ITGA1: variants seen among roughly 807,000 people sequenced by gnomAD.
ITGA1 encodes integrin subunit alpha 1.
Under a neutral mutation model 145.9 loss-of-function variants are expected in ITGA1, and 85 were observed. That is an observed-to-expected ratio of 0.58 (90% CI 0.49 to 0.70). The LOEUF (loss-of-function observed/expected upper bound fraction) is 0.70, where lower values mean the gene tolerates loss of function less well. ITGA1 is among the 30% of genes least tolerant of loss of function. The pLI is 0.00. For synonymous variants in ITGA1, 520 were observed against 495.3 expected, an observed-to-expected ratio of 1.05 and a Z score of -0.66; for missense variants, 1,351 against 1,418.7, an observed-to-expected ratio of 0.95 and a Z score of 0.77.
chr5:52,894,021 A>G (rs976520856), intron 9 of ITGA1, among the ~76,000 whole-genome samples, 181 bp downstream of exon 9: 1 of 151,868 alleles, frequency 6.6e-6, no homozygotes, highest in Non-Finnish European at 1.5e-5. Context: ...TGTTTCTCAC[A>G]ACACTGTGTC....
intron 1 of ITGA1, among the ~76,000 whole-genome samples, chr5:52,834,091 G>T (rs147991758): frequency 7.9e-5 from 12 of 152,250 alleles, no homozygotes; most frequent in Non-Finnish European, 1.5e-4. Flanking sequence ...CCATGTGAAG[G>T]CAGTTCATTC....
intron 6 of ITGA1, among the ~76,000 whole-genome samples, chr5:52,866,382 T>C (rs1425370884): frequency 2.0e-5 from 3 of 152,196 alleles, no homozygotes; most frequent in African/African-American, 7.2e-5. Flanking sequence ...ACTTGAAAAA[T>C]AACTCCTATA....
chr5:52,899,057 A>C (rs546054727), intron 11 of ITGA1, among the ~76,000 whole-genome samples: 4 of 152,302 alleles, frequency 2.6e-5, no homozygotes, highest in Non-Finnish European at 4.4e-5. Flanking sequence ...AACAGTTGGG[A>C]GGACCTAAAA....
At chr5:52,899,323 G>A (rs970038869) in intron 11 of ITGA1, among the ~76,000 whole-genome samples, 3 of 152,062 alleles carry the variant, frequency 2.0e-5, no homozygotes, top group Admixed American at 1.3e-4. Flanking sequence ...TCTTTACTGC[G>A]GTGTTTATAC....
chr5:52,905,600 AG>A (rs1750390198), intron 11 of ITGA1, 162 bp from the exon 12 acceptor site: 1 of 504,300 alleles, frequency 2.0e-6, no homozygotes, highest in East Asian at 3.1e-5. Flanking sequence ...GCATATTAAA[AG>A]CTTCCACCAA....
chr5:52,949,284 G>T (rs780742957), intron 28 of ITGA1, among the ~76,000 whole-genome samples: 1 of 152,104 alleles, frequency 6.6e-6, no homozygotes, highest in Non-Finnish European at 1.5e-5. Flanking sequence ...TTATGAGGTC[G>T]TATGAACCTC....
intron 1 of ITGA1, among the ~76,000 whole-genome samples, chr5:52,828,243 A>G (rs1395646002): frequency 6.6e-6 from 1 of 152,180 alleles, no homozygotes; most frequent in East Asian, 1.9e-4. Flanking sequence ...TTTCCATAGC[A>G]ACATTACCAC....
intron 22 of ITGA1, chr5:52,932,546 CAA>C (rs1327893822): frequency 6.4e-6 from 1 of 155,674 alleles, no homozygotes; most frequent in Non-Finnish European, 1.4e-5. Context: ...TCTGGACACA[CAA>C]GATTAAAGCA....
intron 8 of ITGA1, among the ~76,000 whole-genome samples, chr5:52,891,555 T>TAAAAAAAAAAAAAAAAAA (rs56185635): frequency 2.5e-5 from 3 of 118,882 alleles, no homozygotes; most frequent in Non-Finnish European, 3.5e-5. Context: ...TCATGAACAC[T>TAAAAAAAAAAAAAAAAAA]AAAAAAAAAA....
intron 24 of ITGA1, among the ~76,000 whole-genome samples, chr5:52,938,581 G>GA (rs941374122): frequency 6.6e-5 from 10 of 151,562 alleles, no homozygotes; most frequent in African/African-American, 1.5e-4. Flanking sequence ...ATCCAGAAGA[G>GA]AAAAAAAAAT....
chr5:52,939,203 G>A lies in ITGA1; in HGVS notation c.3079-387G>A, dbSNP rs111463022. On this transcript the variant is annotated intron_variant, in intron 24 of 28. Transcript: ENST00000282588. ...CAGGTGTGAGCCACTGTGGCTGGCC[G>A]TTGTTTTTGTTTTTATCAGTAGAAT... is the stretch of plus-strand genomic sequence containing the variant. Among the ~76,000 whole-genome samples, 864 of 152,070 alleles carry A rather than the reference G, an allele frequency of 5.7e-3. 7 individuals are homozygous for A. Among genetic ancestry groups the A allele is most frequent in the African/African-American group, 0.02 (814 of 41,490 alleles).
chr5:52,799,626 G>A (rs1257201122), intron 1 of ITGA1, among the ~76,000 whole-genome samples: 1 of 152,234 alleles, frequency 6.6e-6, no homozygotes, highest in Non-Finnish European at 1.5e-5. Context: ...GTTGCTGGGA[G>A]CCCAGACAGA....
rs200462600 is a variant in ITGA1 at position 52,955,347 on chromosome 5, A to AGAT, written c.*2897_*2899dup. ...CACTGAGACAGATTACACGATAGAC[A>AGAT]GATAGATAGATAGATAGATAGATAG... On this transcript the variant is annotated 3_prime_UTR_variant, in exon 29 of 29. Coordinates refer to ENST00000282588, the MANE Select transcript of ITGA1 (RefSeq NM_181501.2). 0.05 allele frequency: 203 copies of AGAT among 4,078 alleles called. No homozygotes were observed. The highest frequency in any genetic ancestry group is 0.11 in the Admixed American group (30 of 276). The allele number at this position is 4,078 out of a possible 1,614,324, so 0.3% of individuals were successfully genotyped here.
chr5:52,947,838 C>G (rs1751159100), intron 28 of ITGA1, among the ~76,000 whole-genome samples: 1 of 151,862 alleles, frequency 6.6e-6, no homozygotes, highest in Admixed American at 6.6e-5. Context: ...AAAATGAATT[C>G]CTATGTCAAT....
chr5:52,925,646 A>T (rs1372465888), intron 19 of ITGA1, among the ~76,000 whole-genome samples, 159 bp downstream of exon 19: 2 of 152,234 alleles, frequency 1.3e-5, no homozygotes, highest in African/African-American at 4.8e-5. Context: ...TAAGCTTTTT[A>T]AAAAAGTTTT....
At position 52,788,489 on chromosome 5, in the gene ITGA1, A is replaced by G. The variant is rs529484465; in HGVS notation, c.61+75A>G. 2.0e-5 allele frequency: 25 copies of G among 1,237,664 alleles called. No homozygotes were observed. In the African/African-American group the frequency reaches 3.3e-4, roughly 16 times the overall value. 76.7% of individuals were successfully genotyped at this position (1,237,664 alleles called of 1,614,324 possible). A position where few individuals can be genotyped will look rare whatever the true frequency, so the allele number is the denominator to read the frequency against. Reference sequence around the variant, plus strand: ...TTGGAGCGGGGAGGGAGGTCCTCAGAGCCATGGGCCAGATAGGAAGAGAGA... The same window carrying G: ...TTGGAGCGGGGAGGGAGGTCCTCAGGGCCATGGGCCAGATAGGAAGAGAGA... On this transcript the variant is annotated intron_variant, in intron 1 of 28. Coordinates refer to ENST00000282588, the MANE Select transcript of ITGA1 (RefSeq NM_181501.2).
intron 23 of ITGA1, among the ~76,000 whole-genome samples, chr5:52,935,366 C>A (rs1413377512): frequency 2.0e-5 from 3 of 151,930 alleles, no homozygotes; most frequent in Non-Finnish European, 4.4e-5. Context: ...AAATTAAAGC[C>A]TGGGCACAAT....
chr5:52,836,137 TG>T (rs2111730798), intron 1 of ITGA1, among the ~76,000 whole-genome samples: 1 of 152,300 alleles, frequency 6.6e-6, no homozygotes, highest in South Asian at 2.1e-4. Context: ...AGTCAGTAAG[TG>T]TTACTTAATT....
chr5:52,920,898 A>G (rs1430276929), intron 17 of ITGA1, among the ~76,000 whole-genome samples: 7 of 152,106 alleles, frequency 4.6e-5, no homozygotes, highest in African/African-American at 1.7e-4. Context: ...TCTGGGATCC[A>G]TGTAACTACA....
Sources: allele counts gnomAD v4.1 joint callset (sites outside exome capture counted in the v4.1 genomes callset), GRCh38; gene constraint gnomAD v4.1.1; transcripts MANE v1.5; gene names NCBI Gene and HGNC (gene_info 2026-07-23, HGNC 2026-07-21).